CNTNAP2: variants seen among roughly 807,000 people sequenced by gnomAD.
CNTNAP2 encodes the protein contactin associated protein 2.
A neutral mutation model predicts 155.2 loss-of-function variants in CNTNAP2; 98 were observed. That is an observed-to-expected ratio of 0.63 (90% CI 0.54 to 0.75). The LOEUF is 0.75. CNTNAP2 is among the 30% of genes least tolerant of loss of function. The pLI, the probability that CNTNAP2 is intolerant of heterozygous loss-of-function variation, is 0.00. For synonymous variants in CNTNAP2, 651 were observed against 631.2 expected (o/e 1.03, Z -0.47); for missense variants, 1,727 against 1,688.1 (o/e 1.02, Z -0.40).
chr7:147,026,912 T>TAA (rs35008433), intron 3 of CNTNAP2, among the ~76,000 whole-genome samples: 1,552 of 122,284 alleles, frequency 0.013, 30 homozygotes, highest in African/African-American at 0.037. Flanking sequence ...GTCTCAGTGC[T>TAA]AAAAAAAAAA....
chr7:146,514,311 C>A (rs971191387), intron 1 of CNTNAP2, among the ~76,000 whole-genome samples: 1 of 151,944 alleles, frequency 6.6e-6, no homozygotes, highest in African/African-American at 2.4e-5. Context: ...TCTGTGAATA[C>A]TCTTTCTTCT....
intron 1 of CNTNAP2, among the ~76,000 whole-genome samples, chr7:146,200,754 A>G (rs1798848531): frequency 6.6e-6 from 1 of 152,132 alleles, no homozygotes. Flanking sequence ...TGTTTATATC[A>G]TGGAATCCCC....
intron 10 of CNTNAP2, among the ~76,000 whole-genome samples, chr7:147,417,286 G>T (rs1010224565): frequency 5.3e-5 from 8 of 152,204 alleles, no homozygotes; most frequent in African/African-American, 1.9e-4. Flanking sequence ...TCTCGCAGTT[G>T]TGGAGGCTGG....
At chr7:146,948,773 A>C (rs1429382194) in intron 3 of CNTNAP2, among the ~76,000 whole-genome samples, 1 of 152,170 alleles carries the variant, frequency 6.6e-6, no homozygotes, top group Non-Finnish European at 1.5e-5. Context: ...CCACAAATTA[A>C]CTTGTGGTGG....
chr7:146,952,269 G>A (rs1797331596), intron 3 of CNTNAP2, among the ~76,000 whole-genome samples: 1 of 152,034 alleles, frequency 6.6e-6, no homozygotes, highest in Non-Finnish European at 1.5e-5. Context: ...GGTATTGTTG[G>A]AACATATCTC....
At position 147,485,158 on chromosome 7, in the gene CNTNAP2, C is replaced by T. The variant is rs144631431; in HGVS notation, c.1671-777C>T. Among the ~76,000 whole-genome samples, 147 of 152,218 alleles carry T rather than the reference C, an allele frequency of 9.7e-4. 1 individual carries two copies. Among genetic ancestry groups the T allele is most frequent in the African/African-American group, 3.3e-3 (138 of 41,526 alleles). On this transcript the variant is annotated intron_variant, in intron 10 of 23. Coordinates refer to ENST00000361727, the MANE Select transcript of CNTNAP2 (RefSeq NM_014141.6). The stretch of plus-strand genomic sequence containing the variant: ...CTGTGTTTCAGAAATCTAAAGCTTC[C>T]GTTTATTGGCCCACTATTTCCTGCC...
At chr7:146,473,358 T>G (rs1796827810) in intron 1 of CNTNAP2, among the ~76,000 whole-genome samples, 1 of 152,110 alleles carries the variant, frequency 6.6e-6, no homozygotes, top group African/African-American at 2.4e-5. Flanking sequence ...GTCCTTGAAT[T>G]ATCTCATGCT....
chr7:146,681,866 C>G (rs922876825), intron 1 of CNTNAP2, among the ~76,000 whole-genome samples: 3 of 152,112 alleles, frequency 2.0e-5, no homozygotes, highest in Non-Finnish European at 4.4e-5. Flanking sequence ...GCTTTCTACT[C>G]CCTTCCCCAC....
At chr7:147,478,431 G>C (rs1798360474) in intron 10 of CNTNAP2, among the ~76,000 whole-genome samples, 1 of 152,132 alleles carries the variant, frequency 6.6e-6, no homozygotes, top group Non-Finnish European at 1.5e-5. Flanking sequence ...GTGATTACAG[G>C]TGTGAGCCAC....
intron 1 of CNTNAP2, among the ~76,000 whole-genome samples, chr7:146,634,454 T>A (rs1007021086): frequency 1.7e-4 from 26 of 152,310 alleles, no homozygotes; most frequent in African/African-American, 6.3e-4. Context: ...GTAATTTATA[T>A]GTAATTCAAA....
chr7:147,072,174 T>A lies in CNTNAP2; in HGVS notation c.550+28120T>A, dbSNP rs373180117. Reference sequence around the variant, plus strand: ...GTAGGAGGAAGGGTCATATTTCAGGTAAACAAAAGAGCATAAACAGAACTC... The same window carrying A: ...GTAGGAGGAAGGGTCATATTTCAGGAAAACAAAAGAGCATAAACAGAACTC... On this transcript the variant is annotated intron_variant, in intron 4 of 23. Transcript: ENST00000361727. Among the ~76,000 whole-genome samples, 21 of 152,214 alleles carry A rather than the reference T, an allele frequency of 1.4e-4. 1 individual carries two copies. The East Asian group carries it at 3.9e-3, about 28-fold the overall frequency.
rs141381810 is a variant in CNTNAP2 at position 146,867,424 on chromosome 7, A to G, written c.402+27520A>G. On this transcript the variant is annotated intron_variant, in intron 3 of 23. Coordinates refer to ENST00000361727, the MANE Select transcript of CNTNAP2 (RefSeq NM_014141.6). ...ATTTTCTTTATCCAATTTGTCATTG[A>G]TGGGAATTTAGGTTGATTTCATATC... is the stretch of plus-strand genomic sequence containing the variant. 3.1e-4 allele frequency among the ~76,000 whole-genome samples: 47 copies of G among 152,202 alleles called. No homozygotes were observed. In the East Asian group the frequency reaches 8.3e-3, roughly 27 times the overall value.
intron 3 of CNTNAP2, among the ~76,000 whole-genome samples, chr7:146,897,431 A>C (rs1795899848): frequency 6.6e-6 from 1 of 152,122 alleles, no homozygotes; most frequent in Non-Finnish European, 1.5e-5. Flanking sequence ...AGTAATTTAA[A>C]ATATTTTAAG....
At chr7:146,314,632 C>A (rs1160753550) in intron 1 of CNTNAP2, among the ~76,000 whole-genome samples, 4 of 152,086 alleles carry the variant, frequency 2.6e-5, no homozygotes, top group African/African-American at 9.7e-5. Context: ...GGAGTTCTGT[C>A]AACTCCCAGA....
Position 148,024,157 on chromosome 7 carries a change from T to TAAAAAAAAAAAAA in CNTNAP2, c.2383+46178_2383+46190dup, listed in dbSNP as rs34591496. On this transcript the variant is annotated intron_variant, in intron 15 of 23. Coordinates refer to ENST00000361727, the MANE Select transcript of CNTNAP2 (RefSeq NM_014141.6). ...CCCATATAGATCAACCTTTAAAGTG[T>TAAAAAAAAAAAAA]AAAAAAAAAAAAAAAAAAAAAACTT... Among the ~76,000 whole-genome samples, 38 of 107,584 alleles carry TAAAAAAAAAAAAA rather than the reference T, an allele frequency of 3.5e-4. No individual in the cohort carries two copies. In the East Asian group the frequency reaches 5.1e-3, roughly 15 times the overall value. The allele number at this position is 107,584 out of a possible 152,430, so 70.6% of individuals were successfully genotyped here.
chr7:147,477,168 T>C (rs1199621776), intron 10 of CNTNAP2, among the ~76,000 whole-genome samples: 1 of 152,162 alleles, frequency 6.6e-6, no homozygotes, highest in African/African-American at 2.4e-5. Context: ...GGGAGAAATA[T>C]AGTTTACAAT....
chr7:147,144,846 T>C (rs1393137203), intron 8 of CNTNAP2, among the ~76,000 whole-genome samples: 1 of 152,116 alleles, frequency 6.6e-6, no homozygotes, highest in Non-Finnish European at 1.5e-5. Flanking sequence ...TTCTCAGCAA[T>C]GTTGTGTGGC....
chr7:146,714,749 A>G (rs1403266870), intron 1 of CNTNAP2, among the ~76,000 whole-genome samples: 2 of 152,308 alleles, frequency 1.3e-5, no homozygotes, highest in South Asian at 2.1e-4. Context: ...AGAAAAAACA[A>G]AGATAAACAG....
chr7:146,849,289 A>C (rs1794826748), intron 3 of CNTNAP2, among the ~76,000 whole-genome samples: 1 of 152,172 alleles, frequency 6.6e-6, no homozygotes, highest in Non-Finnish European at 1.5e-5. Context: ...ACTGAACTGA[A>C]GTATCTCATT....
Sources: allele counts gnomAD v4.1 joint callset (sites outside exome capture counted in the v4.1 genomes callset), GRCh38; gene constraint gnomAD v4.1.1; transcripts MANE v1.5; gene names NCBI Gene and HGNC (gene_info 2026-07-23, HGNC 2026-07-21).